The following FAF1 variants were observed in gnomAD, a reference collection of about 807,000 sequenced individuals.
The protein encoded by FAF1 is FAS-associated factor 1.
A neutral mutation model predicts 92.5 loss-of-function variants in FAF1; 25 were observed. The observed-to-expected ratio is 0.27, with a 90% CI of 0.20 to 0.38. The LOEUF (loss-of-function observed/expected upper bound fraction) is 0.38, where lower values mean the gene tolerates loss of function less well. Among genes scored for constraint, FAF1 ranks in the 10% least tolerant of loss-of-function variants. The pLI, the probability that FAF1 is intolerant of heterozygous loss-of-function variation, is 1.00. For missense variants in FAF1, 636 were observed against 793.3 expected (o/e 0.80, Z 2.38); for synonymous variants, 234 against 273.2 (o/e 0.86, Z 1.42).
At chr1:50,821,940 T>A (rs1463981977) in intron 2 of FAF1, among the ~76,000 whole-genome samples, 1 of 152,006 alleles carries the variant, frequency 6.6e-6, no homozygotes, top group Non-Finnish European at 1.5e-5. Context: ...GTCACCGAAA[T>A]GCTCTATTGA....
At chr1:50,895,968 C>T (rs1306153819) in intron 1 of FAF1, among the ~76,000 whole-genome samples, 1 of 152,152 alleles carries the variant, frequency 6.6e-6, no homozygotes, top group Non-Finnish European at 1.5e-5. Flanking sequence ...AACTAAAAGT[C>T]TTTCTTCTAA....
intron 2 of FAF1, among the ~76,000 whole-genome samples, chr1:50,849,875 T>C (rs560031092): frequency 2.4e-4 from 36 of 152,310 alleles, no homozygotes; most frequent in African/African-American, 7.9e-4. Context: ...CCCTGCTATA[T>C]CTATGAATCA....
chr1:50,496,382 A>G (rs1167239857), intron 15 of FAF1, among the ~76,000 whole-genome samples: 4 of 152,240 alleles, frequency 2.6e-5, no homozygotes, highest in Non-Finnish European at 5.9e-5. Context: ...AAACATAACA[A>G]GTATGTTCAA....
At chr1:50,680,408 G>A (rs1387610671) in intron 7 of FAF1, among the ~76,000 whole-genome samples, 2 of 151,766 alleles carry the variant, frequency 1.3e-5, no homozygotes, top group African/African-American at 4.8e-5. Flanking sequence ...CCATCACAGG[G>A]CCAGTGGTTC....
chr1:50,758,204 C>T (rs993093901), intron 4 of FAF1, among the ~76,000 whole-genome samples: 1 of 152,180 alleles, frequency 6.6e-6, no homozygotes. Flanking sequence ...AAGAGTGAGC[C>T]ACCATGTCTG....
intron 18 of FAF1, among the ~76,000 whole-genome samples, chr1:50,463,852 G>A (rs1646462085): frequency 6.6e-6 from 1 of 152,220 alleles, no homozygotes; most frequent in African/African-American, 2.4e-5. Context: ...TTAAAACTAG[G>A]CAGAAAATTC....
At chr1:50,662,223 A>G (rs1569706406) in intron 7 of FAF1, among the ~76,000 whole-genome samples, 1 of 152,360 alleles carries the variant, frequency 6.6e-6, no homozygotes, top group East Asian at 1.9e-4. Flanking sequence ...AAAACAATGA[A>G]GATCTGTTTC....
In FAF1 at chr1:50,671,433, T is replaced by C. The variant is rs1052931035; in HGVS notation, c.658-15905A>G. Among the ~76,000 whole-genome samples the C allele has an allele frequency of 9.9e-5, 15 of 152,014 alleles. 1 individual carries two copies. In the South Asian group the frequency reaches 2.5e-3, roughly 25 times the overall value. On this transcript the variant is annotated intron_variant, in intron 7 of 18. Transcript: ENST00000396153. The stretch of plus-strand genomic sequence containing the variant: ...AAAAAAAAAAAGGTAAAGTTTGACT[T>C]CCATAGCTGCCACATGATGCAACCT...
At chr1:50,765,610 ATAAC>A (rs1372670638) in intron 4 of FAF1, among the ~76,000 whole-genome samples, 7 of 152,186 alleles carry the variant, frequency 4.6e-5, no homozygotes, top group African/African-American at 1.7e-4. Context: ...CAATCTTACA[ATAAC>A]TAAGATGAAA....
intron 2 of FAF1, among the ~76,000 whole-genome samples, chr1:50,819,122 T>G (rs375805907): frequency 5.3e-5 from 8 of 152,204 alleles, no homozygotes; most frequent in Middle Eastern, 3.4e-3. Flanking sequence ...TCAACCCGTA[T>G]AGAGTTCTAG....
chr1:50,480,759 A>G (rs1557962460), intron 17 of FAF1, among the ~76,000 whole-genome samples: 1 of 152,180 alleles, frequency 6.6e-6, no homozygotes, highest in Non-Finnish European at 1.5e-5. Context: ...CTATACTTTT[A>G]TTTGTTATTT....
intron 1 of FAF1, among the ~76,000 whole-genome samples, chr1:50,863,575 G>C (rs139596706): frequency 2.0e-5 from 3 of 151,998 alleles, no homozygotes; most frequent in South Asian, 4.2e-4. Context: ...GAAACAAAAA[G>C]CTGCTTCTTT....
chr1:50,577,865 C>A (rs1246723611), intron 12 of FAF1, among the ~76,000 whole-genome samples: 1 of 152,104 alleles, frequency 6.6e-6, no homozygotes, highest in Non-Finnish European at 1.5e-5. Context: ...AACTACTTTA[C>A]CAAAGTTGGA....
intron 8 of FAF1, among the ~76,000 whole-genome samples, chr1:50,620,857 G>C (rs561484043): frequency 2.0e-5 from 3 of 152,374 alleles, no homozygotes; most frequent in African/African-American, 7.2e-5. Flanking sequence ...TGGGAGGGGA[G>C]GAGATGGCTC....
chr1:50,483,062 G>A (rs1646721542), intron 17 of FAF1, among the ~76,000 whole-genome samples: 1 of 152,070 alleles, frequency 6.6e-6, no homozygotes, highest in Non-Finnish European at 1.5e-5. Context: ...CCTGACTCAA[G>A]GTCATGAAGA....
intron 6 of FAF1, among the ~76,000 whole-genome samples, chr1:50,736,268 A>G (rs1363672836): frequency 6.6e-6 from 1 of 152,238 alleles, no homozygotes; most frequent in African/African-American, 2.4e-5. Flanking sequence ...TTAGATTATA[A>G]ATTAGGTTAC....
intron 2 of FAF1, among the ~76,000 whole-genome samples, chr1:50,848,391 CT>C (rs1218115265): frequency 1.3e-5 from 2 of 152,134 alleles, no homozygotes; most frequent in Non-Finnish European, 2.9e-5. Flanking sequence ...TAGAATCTGT[CT>C]GATTATATTG....
At chr1:50,614,357 A>G (rs1178478503) in intron 8 of FAF1, among the ~76,000 whole-genome samples, 2 of 152,178 alleles carry the variant, frequency 1.3e-5, no homozygotes, top group Non-Finnish European at 2.9e-5. Flanking sequence ...TATTCAAAAA[A>G]CTAGTTTACC....
At chr1:50,822,798 C>T (rs1449974111) in intron 2 of FAF1, among the ~76,000 whole-genome samples, 12 of 129,336 alleles carry the variant, frequency 9.3e-5, no homozygotes, top group Non-Finnish European at 1.8e-4. Flanking sequence ...TTTTGAGACG[C>T]AGTTTCGCTC....
Sources: gnomAD v4.1 joint callset for allele counts (sites outside exome capture counted in the v4.1 genomes callset) on GRCh38, gnomAD v4.1.1 for gene constraint, MANE v1.5 for transcripts, NCBI Gene and HGNC (gene_info 2026-07-23, HGNC 2026-07-21) for gene names.